The following SMOC2 variants were observed in gnomAD, a reference collection of about 807,000 sequenced individuals.
SMOC2 encodes SPARC-related modular calcium-binding protein 2.
A neutral mutation model predicts 61.4 loss-of-function variants in SMOC2; 39 were observed. The observed-to-expected ratio is 0.64, with a 90% confidence interval of 0.49 to 0.83. The LOEUF (loss-of-function observed/expected upper bound fraction) is 0.83. Among genes scored for constraint, SMOC2 ranks in the 40% least tolerant of loss-of-function variants. SMOC2 has a pLI of 0.00. For synonymous variants in SMOC2, 247 were observed against 239.9 expected, an observed-to-expected ratio of 1.03 and a Z score of -0.27; for missense variants, 556 against 592.9, an observed-to-expected ratio of 0.94 and a Z score of 0.65.
intron 9 of SMOC2, among the ~76,000 whole-genome samples, chr6:168,623,322 ATAAT>A (rs1480144909): frequency 2.5e-5 from 3 of 118,026 alleles, no homozygotes; most frequent in African/African-American, 9.3e-5. Flanking sequence ...TGAGACATGG[ATAAT>A]TAATTTTTTT....
At chr6:168,532,323 G>A (rs904907415) in intron 4 of SMOC2, among the ~76,000 whole-genome samples, 9 of 152,148 alleles carry the variant, frequency 5.9e-5, no homozygotes, top group East Asian at 1.9e-4. Context: ...CATGTCCTTC[G>A]TCCTGGGATT....
At chr6:168,499,515 G>A (rs560672647) in intron 1 of SMOC2, among the ~76,000 whole-genome samples, 1 of 152,348 alleles carries the variant, frequency 6.6e-6, no homozygotes, top group African/African-American at 2.4e-5. Flanking sequence ...GTGTGCGGCA[G>A]ATGGGGCAGT....
At chr6:168,556,288 G>A (rs1365025727) in intron 7 of SMOC2, among the ~76,000 whole-genome samples, 2 of 152,154 alleles carry the variant, frequency 1.3e-5, no homozygotes, top group African/African-American at 2.4e-5. Context: ...GGGAAGCTGC[G>A]GGCTCCTTTC....
intron 11 of SMOC2, among the ~76,000 whole-genome samples, chr6:168,657,831 C>T (rs143566996): frequency 1.3e-3 from 196 of 152,202 alleles, no homozygotes; most frequent in African/African-American, 4.3e-3. Flanking sequence ...GAGCCCACTC[C>T]CAATATAATG....
At chr6:168,547,554 T>G (rs1275439699) in intron 6 of SMOC2, among the ~76,000 whole-genome samples, 1 of 151,880 alleles carries the variant, frequency 6.6e-6, no homozygotes, top group Non-Finnish European at 1.5e-5. Context: ...ATACCACACA[T>G]CCAGCACATA....
At chr6:168,469,458 A>T (rs1781920664) in intron 1 of SMOC2, among the ~76,000 whole-genome samples, 1 of 152,218 alleles carries the variant, frequency 6.6e-6, no homozygotes, top group Non-Finnish European at 1.5e-5. Context: ...AAACATGCAG[A>T]CTTGGTTGGT....
intron 9 of SMOC2, among the ~76,000 whole-genome samples, chr6:168,645,060 C>A (rs1449153065): frequency 2.0e-5 from 3 of 152,160 alleles, no homozygotes. Context: ...AATCCTGGTT[C>A]CTAACATTCA....
At position 168,465,466 on chromosome 6, in the gene SMOC2, C is replaced by T. The variant is rs537777042; in HGVS notation, c.84+24012C>T. Among the ~76,000 whole-genome samples the T allele has an allele frequency of 9.8e-5, 14 of 143,052 alleles. No individual in the cohort carries two copies. In the South Asian group the frequency reaches 1.5e-3, roughly 16 times the overall value. The allele number at this position is 143,052 out of a possible 152,430, so 93.8% of individuals were successfully genotyped here. A position where few individuals can be genotyped will look rare whatever the true frequency, so the allele number is the denominator to read the frequency against. On this transcript the variant is annotated intron_variant, in intron 1 of 12. Coordinates refer to ENST00000356284, the MANE Select transcript of SMOC2 (RefSeq NM_001166412.2). ...TCTGCTAAGAAGCCATCAGATCAGC[C>T]GGAAAAAAAAAAAAGAAAAAAGAAA...
intron 2 of SMOC2, among the ~76,000 whole-genome samples, chr6:168,515,787 A>C (rs1783118706): frequency 6.6e-6 from 1 of 152,132 alleles, no homozygotes; most frequent in Non-Finnish European, 1.5e-5. Flanking sequence ...GGGTGAGAAC[A>C]GACACGGGGC....
intron 2 of SMOC2, among the ~76,000 whole-genome samples, chr6:168,518,787 G>C (rs549774998): frequency 4.0e-5 from 6 of 150,944 alleles, no homozygotes; most frequent in African/African-American, 4.9e-5. Context: ...ATGTGTGAAA[G>C]CATGTATGTG....
intron 8 of SMOC2, among the ~76,000 whole-genome samples, chr6:168,599,921 T>C (rs1785493103): frequency 8.5e-6 from 1 of 117,686 alleles, no homozygotes; most frequent in Non-Finnish European, 1.8e-5. Context: ...ACTCACACAC[T>C]CCCCTCTCAT....
chr6:168,480,433 GAAAT>G (rs1782181061), intron 1 of SMOC2, among the ~76,000 whole-genome samples: 1 of 152,054 alleles, frequency 6.6e-6, no homozygotes, highest in African/African-American at 2.4e-5. Flanking sequence ...AAACCTAAAA[GAAAT>G]AAAGAAATTC....
chr6:168,518,945 G>A (rs1350566429), intron 2 of SMOC2, among the ~76,000 whole-genome samples: 1 of 150,342 alleles, frequency 6.7e-6, no homozygotes, highest in East Asian at 2.0e-4. Flanking sequence ...ATGCTTGCAT[G>A]TGTGTTAGTG....
At chr6:168,499,746 C>G (rs1264170293) in intron 1 of SMOC2, among the ~76,000 whole-genome samples, 1 of 152,176 alleles carries the variant, frequency 6.6e-6, no homozygotes, top group Non-Finnish European at 1.5e-5. Flanking sequence ...CCGTGAGGAG[C>G]TACACATTTC....
intron 1 of SMOC2, among the ~76,000 whole-genome samples, chr6:168,502,291 T>C (rs914151131): frequency 6.6e-6 from 1 of 152,252 alleles, no homozygotes. Context: ...ATCCTTGTTA[T>C]CACCTCCATT....
In SMOC2 at chr6:168,526,511, C is replaced by G; in HGVS notation, c.363+59C>G. 11 of 1,450,268 alleles carry G rather than the reference C, an allele frequency of 7.6e-6. 1 individual carries two copies. The South Asian group carries it at 1.3e-4, about 17-fold the overall frequency. The allele number at this position is 1,450,268 out of a possible 1,614,324, so 89.8% of individuals were successfully genotyped here. A position where few individuals can be genotyped will look rare whatever the true frequency, so the allele number is the denominator to read the frequency against. ...TGCGATTAGGGAGGGAGATGTGGAG[C>G]GGGTGTGGGGAGAAGGCAGGTGGGG... On this transcript the variant is annotated intron_variant, in intron 3 of 12. Coordinates refer to ENST00000356284, the MANE Select transcript of SMOC2 (RefSeq NM_001166412.2).
intron 1 of SMOC2, among the ~76,000 whole-genome samples, chr6:168,446,018 G>A (rs1321123247): frequency 1.3e-5 from 2 of 152,200 alleles, no homozygotes; most frequent in Admixed American, 6.5e-5. Context: ...AAGATTGTCA[G>A]CAGAACATTG....
chr6:168,518,090 AC>A (rs2115061665), intron 2 of SMOC2, among the ~76,000 whole-genome samples: 1 of 152,266 alleles, frequency 6.6e-6, no homozygotes, highest in African/African-American at 2.4e-5. Context: ...AGAGCTCCAC[AC>A]CTGCCCGTTC....
At chr6:168,556,258 C>T (rs537567522) in intron 7 of SMOC2, among the ~76,000 whole-genome samples, 3 of 152,330 alleles carry the variant, frequency 2.0e-5, no homozygotes, top group African/African-American at 4.8e-5. Context: ...ACTCTCCCCA[C>T]GCCCATACTC....
Sources: gnomAD v4.1 joint callset for allele counts (sites outside exome capture counted in the v4.1 genomes callset) on GRCh38, gnomAD v4.1.1 for gene constraint, MANE v1.5 for transcripts, NCBI Gene and HGNC (gene_info 2026-07-23, HGNC 2026-07-21) for gene names.